CHRM3: variants seen among roughly 807,000 people sequenced by gnomAD.
The protein encoded by CHRM3 is cholinergic receptor muscarinic 3, also known as muscarinic acetylcholine receptor M3.
In CHRM3, 11 loss-of-function variants were observed where a neutral mutation model predicts 41.8. That is an observed-to-expected ratio of 0.26 (90% CI 0.17 to 0.44). The LOEUF (loss-of-function observed/expected upper bound fraction) is 0.44. CHRM3 is among the 20% of genes least tolerant of loss of function. The pLI is 1.00. For missense variants in CHRM3, 571 were observed against 745.4 expected (o/e 0.77, Z 2.72); for synonymous variants, 297 against 301.4 (o/e 0.99, Z 0.15).
chr1:239,713,189 G>T (rs1661989149), intron 5 of CHRM3, among the ~76,000 whole-genome samples: 1 of 152,166 alleles, frequency 6.6e-6, no homozygotes, highest in Non-Finnish European at 1.5e-5. Context: ...GCAAAATAAA[G>T]TGAATTCCGA....
intron 5 of CHRM3, chr1:239,707,473 T>A (rs1417355038): frequency 1.3e-5 from 2 of 152,192 alleles, no homozygotes; most frequent in African/African-American, 4.8e-5. Flanking sequence ...ACCTCAATGT[T>A]CTGAATTATG....
chr1:239,388,304 T>C (rs1383864304), intron 1 of CHRM3, among the ~76,000 whole-genome samples: 4 of 152,194 alleles, frequency 2.6e-5, no homozygotes, highest in African/African-American at 9.6e-5. Flanking sequence ...ATCAAAGCGA[T>C]GTGTGGTTAA....
At chr1:239,872,287 G>A (rs184710070) in intron 6 of CHRM3, among the ~76,000 whole-genome samples, 89 of 152,286 alleles carry the variant, frequency 5.8e-4, no homozygotes, top group Non-Finnish European at 9.7e-4. Context: ...AACCCGAAAG[G>A]CCTTAGTTTT....
intron 5 of CHRM3, among the ~76,000 whole-genome samples, chr1:239,721,755 A>G (rs12087026): frequency 2.5e-4 from 38 of 152,094 alleles, no homozygotes; most frequent in African/African-American, 9.1e-4. Context: ...AGAAGTCTTT[A>G]CTATATAATC....
chr1:239,858,843 A>G (rs928639220), intron 6 of CHRM3, among the ~76,000 whole-genome samples: 2 of 152,208 alleles, frequency 1.3e-5, no homozygotes, highest in Non-Finnish European at 2.9e-5. Context: ...TTTTATATAA[A>G]TAGAATTGTA....
chr1:239,717,945 T>C (rs1000489435), intron 5 of CHRM3, among the ~76,000 whole-genome samples: 1 of 152,082 alleles, frequency 6.6e-6, no homozygotes, highest in African/African-American at 2.4e-5. Context: ...AGCTGAGTTT[T>C]CTATTTGTCT....
At chr1:239,419,486 T>G (rs943536871) in intron 1 of CHRM3, among the ~76,000 whole-genome samples, 1 of 152,120 alleles carries the variant, frequency 6.6e-6, no homozygotes, top group Admixed American at 6.5e-5. Context: ...TTTCTTTTGG[T>G]TTGTGACAAT....
intron 5 of CHRM3, among the ~76,000 whole-genome samples, chr1:239,711,202 G>T (rs564863552): frequency 6.6e-6 from 1 of 152,170 alleles, no homozygotes; most frequent in East Asian, 1.9e-4. Flanking sequence ...AGGTTTTGGG[G>T]TCATGCATGG....
At chr1:239,826,651 G>A (rs914510342) in intron 5 of CHRM3, among the ~76,000 whole-genome samples, 3 of 152,078 alleles carry the variant, frequency 2.0e-5, no homozygotes, top group Non-Finnish European at 4.4e-5. Flanking sequence ...TGGGAGGAGG[G>A]CACTTTGTTA....
chr1:239,761,701 G>A (rs7533041), intron 5 of CHRM3, among the ~76,000 whole-genome samples: 3,946 of 152,306 alleles, frequency 0.026, 75 homozygotes, highest in African/African-American at 0.043. Context: ...TGGTGGAAAT[G>A]TGAACTGCAT....
chr1:239,518,337 C>T (rs193192820), intron 2 of CHRM3, among the ~76,000 whole-genome samples: 1 of 152,314 alleles, frequency 6.6e-6, no homozygotes, highest in East Asian at 1.9e-4. Flanking sequence ...GAACTGAAAT[C>T]CAGCCTTCAC....
chr1:239,836,399 A>T (rs993046590), intron 6 of CHRM3, among the ~76,000 whole-genome samples: 2 of 152,132 alleles, frequency 1.3e-5, no homozygotes, highest in African/African-American at 4.8e-5. Flanking sequence ...TTTTTTTAAC[A>T]GGCAGAATAT....
Position 239,914,680 on chromosome 1 carries a change from G to C in CHRM3, c.*5456G>C, listed in dbSNP as rs1170739322. On this transcript the variant is annotated 3_prime_UTR_variant, in exon 7 of 7. Coordinates refer to ENST00000676153, the MANE Select transcript of CHRM3 (RefSeq NM_001375978.1). ...ATAATTCTTTTGGAACAGGCTTCTC[G>C]GTTACTTGCCTTAGTAAAAGAAGTA... 1 of 166,952 alleles carries C rather than the reference G, an allele frequency of 6.0e-6. No homozygotes were observed. Among genetic ancestry groups the C allele is most frequent in the Non-Finnish European group, 1.5e-5 (1 of 68,104 alleles). The allele number at this position is 166,952 out of a possible 1,614,324, so 10.3% of individuals were successfully genotyped here.
chr1:239,646,440 T>C (rs771303588), intron 4 of CHRM3, among the ~76,000 whole-genome samples: 62 of 152,292 alleles, frequency 4.1e-4, no homozygotes, highest in Non-Finnish European at 7.4e-4. Context: ...TGTTAGCACG[T>C]TTGGATGCTT....
At chr1:239,640,763 C>T (rs1230315446) in intron 4 of CHRM3, among the ~76,000 whole-genome samples, 1 of 150,474 alleles carries the variant, frequency 6.6e-6, no homozygotes, top group Non-Finnish European at 1.5e-5. Context: ...GTCTCTATTT[C>T]CTTCAGTTCT....
At chr1:239,756,832 T>C (rs749697365) in intron 5 of CHRM3, among the ~76,000 whole-genome samples, 17 of 146,178 alleles carry the variant, frequency 1.2e-4, no homozygotes, top group Admixed American at 5.3e-4. Flanking sequence ...TTTAATATAA[T>C]ATTTTCACAT....
At chr1:239,411,765 CT>C (rs1661092278) in intron 1 of CHRM3, among the ~76,000 whole-genome samples, 1 of 133,920 alleles carries the variant, frequency 7.5e-6, no homozygotes, top group Admixed American at 7.6e-5. Context: ...GGATTGGACT[CT>C]AATTGTTATT....
At chr1:239,548,371 A>G (rs1479898887) in intron 3 of CHRM3, among the ~76,000 whole-genome samples, 1 of 152,190 alleles carries the variant, frequency 6.6e-6, no homozygotes, top group Non-Finnish European at 1.5e-5. Flanking sequence ...CTTATAAACC[A>G]TCTAAAACAA....
chr1:239,466,486 G>T (rs1191158301), intron 1 of CHRM3, among the ~76,000 whole-genome samples: 1 of 151,698 alleles, frequency 6.6e-6, no homozygotes, highest in Non-Finnish European at 1.5e-5. Flanking sequence ...AAGTTTTGGG[G>T]GACTCAAAAG....
Sources: gnomAD v4.1 joint callset for allele counts (sites outside exome capture counted in the v4.1 genomes callset) on GRCh38, gnomAD v4.1.1 for gene constraint, MANE v1.5 for transcripts, NCBI Gene and HGNC (gene_info 2026-07-23, HGNC 2026-07-21) for gene names.